The following SHOC2 variants were observed in gnomAD, a reference collection of about 807,000 sequenced individuals.
SHOC2 encodes the protein SHOC2 leucine rich repeat scaffold protein.
SHOC2 carries 4 observed loss-of-function variants against 50.2 expected under a neutral mutation model. That is an observed-to-expected ratio of 0.08 (90% CI 0.04 to 0.18). The LOEUF is 0.18. Among genes scored for constraint, SHOC2 ranks in the 10% least tolerant of loss-of-function variants. The pLI is 1.00. For missense variants in SHOC2, 388 were observed against 669.6 expected, an observed-to-expected ratio of 0.58 and a Z score of 4.64; for synonymous variants, 218 against 244.5, an observed-to-expected ratio of 0.89 and a Z score of 1.01.
intron 3 of SHOC2, among the ~76,000 whole-genome samples, chr10:111,000,059 A>G (rs1848341458): frequency 6.6e-6 from 1 of 152,240 alleles, no homozygotes; most frequent in Admixed American, 6.5e-5. Flanking sequence ...ATCATAACAT[A>G]GAACAAATGG....
At position 111,009,293 on chromosome 10, in the gene SHOC2, C is replaced by G. The variant is rs1848525656; in HGVS notation, c.1330C>G (p.Leu444Val). 1.9e-6 allele frequency: 3 copies of G among 1,594,590 alleles called. No individual in the cohort carries two copies. Among genetic ancestry groups the G allele is most frequent in the African/African-American group, 1.3e-5 (1 of 74,476 alleles). Reference protein sequence around the residue: ...NNLLKKLPHGLGNLRKLRELD... With the variant: ...NNLLKKLPHGVGNLRKLRELD... The stretch of plus-strand genomic sequence containing the variant: ...TCTTCTAAAGAAGCTTCCCCATGGT[C>G]TTGGAAACCTTAGGAAGTTAAGAGA... Residue 444 changes from leucine to valine, a missense_variant, in exon 7 of 9, where the codon CTT becomes GTT. Coordinates refer to ENST00000369452, the MANE Select transcript of SHOC2 (RefSeq NM_007373.4).
intron 1 of SHOC2, among the ~76,000 whole-genome samples, chr10:110,958,276 G>A (rs1470833058): frequency 6.6e-6 from 1 of 150,422 alleles, no homozygotes; most frequent in Non-Finnish European, 1.5e-5. Flanking sequence ...GTGCAGTGGT[G>A]CGATCTTGGC....
At chr10:110,986,964 T>C (rs1848089991) in intron 3 of SHOC2, among the ~76,000 whole-genome samples, 1 of 152,228 alleles carries the variant, frequency 6.6e-6, no homozygotes, top group Non-Finnish European at 1.5e-5. Context: ...TGCTGCAGGC[T>C]AACTGGATGA....
At chr10:110,925,950 C>G (rs1192917570) in intron 1 of SHOC2, among the ~76,000 whole-genome samples, 1 of 152,048 alleles carries the variant, frequency 6.6e-6, no homozygotes, top group Non-Finnish European at 1.5e-5. Flanking sequence ...TAGCAATTGC[C>G]TTAAACATGT....
intron 3 of SHOC2, among the ~76,000 whole-genome samples, chr10:110,995,655 A>G (rs1428386129): frequency 1.3e-5 from 2 of 152,180 alleles, no homozygotes; most frequent in Non-Finnish European, 2.9e-5. Flanking sequence ...TTACCCTCAG[A>G]TGGCTCTTAC....
chr10:111,001,135 A>T (rs1848364931), intron 4 of SHOC2, among the ~76,000 whole-genome samples: 1 of 142,414 alleles, frequency 7.0e-6, no homozygotes. Context: ...TTGCTTAGGG[A>T]TTAATTGGGT....
In SHOC2 at chr10:111,009,735, A is replaced by G. The variant is rs1259268451; in HGVS notation, c.1445A>G (p.Gln482Arg). The G allele has an allele frequency of 6.2e-7, 1 of 1,611,046 alleles. No homozygotes were observed. The highest frequency in any genetic ancestry group is 1.1e-5 in the South Asian group (1 of 91,012). Reference sequence around the variant, plus strand: ...TAGAAATTAGTCTTGACAAACAACCAGTTGACCACTCTTCCCAGAGGCATT... The same window carrying G: ...TAGAAATTAGTCTTGACAAACAACCGGTTGACCACTCTTCCCAGAGGCATT... ...DLQKLVLTNN[Q>R]LTTLPRGIGH... Residue 482 changes from glutamine (Q) to arginine (R), a missense_variant, in exon 8 of 9, where the codon CAG becomes CGG. This residue lies in a region of SHOC2 where 130 missense variants were observed against 208.6 expected (regional missense o/e 0.62). Coordinates refer to ENST00000369452, the MANE Select transcript of SHOC2 (RefSeq NM_007373.4).
At chr10:110,947,311 A>G (rs527710355) in intron 1 of SHOC2, among the ~76,000 whole-genome samples, 36 of 152,372 alleles carry the variant, frequency 2.4e-4, no homozygotes, top group African/African-American at 7.2e-4. Context: ...AACTGAGGCT[A>G]GCCTGCTGGA....
intron 1 of SHOC2, among the ~76,000 whole-genome samples, chr10:110,934,765 C>A (rs2134081254): frequency 6.6e-6 from 1 of 152,058 alleles, no homozygotes; most frequent in South Asian, 2.1e-4. Flanking sequence ...GTAAATGCAC[C>A]CTAGGCATGG....
intron 1 of SHOC2, among the ~76,000 whole-genome samples, chr10:110,946,665 A>C (rs1164245266): frequency 1.3e-5 from 2 of 152,124 alleles, no homozygotes; most frequent in African/African-American, 2.4e-5. Flanking sequence ...CAAAGACTTC[A>C]TGTGTGAGCA....
At position 111,011,928 on chromosome 10, in the gene SHOC2, A is replaced by ATTGCAT; in HGVS notation, c.*112_*117dup. 1 of 907,278 alleles carries ATTGCAT rather than the reference A, an allele frequency of 1.1e-6. No individual in the cohort carries two copies. 56.2% of individuals were successfully genotyped at this position (907,278 alleles called of 1,614,324 possible). A position where few individuals can be genotyped will look rare whatever the true frequency, so the allele number is the denominator to read the frequency against. On this transcript the variant is annotated 3_prime_UTR_variant, in exon 9 of 9. Transcript: ENST00000369452. ...ATTGGTATATGGCAGATTTATAAAA[A>ATTGCAT]TTGCATTATGTGTTTCTGCTAATAG...
In SHOC2 at chr10:110,949,326, C is replaced by T. The variant is rs139661352; in HGVS notation, c.-234-14799C>T. Reference sequence around the variant, plus strand: ...ACTACAATGAATAACTATACACAAACAGATGGATAGCCTAGAAGAAATAGA... The same window carrying T: ...ACTACAATGAATAACTATACACAAATAGATGGATAGCCTAGAAGAAATAGA... On this transcript the variant is annotated intron_variant, in intron 1 of 8. Transcript: ENST00000369452. Among the ~76,000 whole-genome samples, 788 of 152,190 alleles carry T rather than the reference C, an allele frequency of 5.2e-3. 8 individuals carry two copies. Among genetic ancestry groups the T allele is most frequent in the African/African-American group, 0.018 (755 of 41,538 alleles).
At chr10:110,948,049 T>C (rs1847281591) in intron 1 of SHOC2, among the ~76,000 whole-genome samples, 1 of 152,002 alleles carries the variant, frequency 6.6e-6, no homozygotes, top group Non-Finnish European at 1.5e-5. Flanking sequence ...TTCACGCAAA[T>C]GGTAACCAGA....
chr10:110,964,708 C>T lies in SHOC2; in HGVS notation c.350C>T (p.Ser117Leu). The T allele has an allele frequency of 6.2e-7, 1 of 1,614,100 alleles. No individual in the cohort carries two copies. The highest frequency in any genetic ancestry group is 8.5e-7 in the Non-Finnish European group (1 of 1,179,976). ...AAGAGATCTATACACATATTGCCAT[C>T]ATCAATCAAAGAGTTGACTCAATTA... is the stretch of plus-strand genomic sequence containing the variant. The part of the protein sequence containing the change: ...LSKRSIHILP[S>L]SIKELTQLTE... The change falls in exon 2 of 9, where the codon TCA becomes TTA. Residue 117 changes from serine (S) to leucine (L), a missense_variant. Physicochemically the swap from Ser to Leu is moderately radical, Grantham distance 145 (BLOSUM62 -2). Coordinates refer to ENST00000369452, the MANE Select transcript of SHOC2 (RefSeq NM_007373.4). This position sits in a 1 kb window ranked among gnomAD's most constrained non-coding sequence, Gnocchi z 4.9.
At chr10:110,940,350 G>A (rs569367888) in intron 1 of SHOC2, among the ~76,000 whole-genome samples, 5 of 152,102 alleles carry the variant, frequency 3.3e-5, no homozygotes, top group African/African-American at 9.6e-5. Context: ...TCAGAGATGC[G>A]TAACTCTCAC....
chr10:110,984,385 A>G (rs904477119), intron 2 of SHOC2, among the ~76,000 whole-genome samples: 7 of 152,032 alleles, frequency 4.6e-5, no homozygotes, highest in African/African-American at 1.4e-4. Context: ...GTAGTTCTTT[A>G]TATATTTTTG....
chr10:110,980,220 A>AG (rs1479133091), intron 2 of SHOC2, among the ~76,000 whole-genome samples: 1 of 146,056 alleles, frequency 6.8e-6, no homozygotes, highest in East Asian at 2.0e-4. Flanking sequence ...GCAGTGGCGC[A>AG]GTCTCTGCTC....
chr10:110,948,994 G>A (rs567132178), intron 1 of SHOC2, among the ~76,000 whole-genome samples: 2 of 152,142 alleles, frequency 1.3e-5, no homozygotes, highest in African/African-American at 4.8e-5. Context: ...ATTACTTGTG[G>A]CCCAAGACAA....
intron 2 of SHOC2, among the ~76,000 whole-genome samples, chr10:110,973,651 A>T (rs551774661): frequency 3.3e-4 from 50 of 152,096 alleles, no homozygotes; most frequent in Non-Finnish European, 5.0e-4. Flanking sequence ...AGAATTTATC[A>T]GCCATACAGT....
Sources: allele counts gnomAD v4.1 joint callset (sites outside exome capture counted in the v4.1 genomes callset), GRCh38; gene constraint gnomAD v4.1.1; regional missense constraint gnomAD v4.1.1; non-coding constraint Gnocchi (gnomAD v3.1); transcripts MANE v1.5; gene names NCBI Gene and HGNC (gene_info 2026-07-23, HGNC 2026-07-21).